The following ABTB3 variants were observed in gnomAD, a reference collection of about 807,000 sequenced individuals.
ABTB3 encodes ankyrin repeat and BTB domain containing 3, also known as ankyrin repeat- and BTB/POZ domain-containing protein 3.
chr12:107,400,543 C>T, the ABTB3 span, among the ~76,000 whole-genome samples: 8 of 152,084 alleles, frequency 5.3e-5, no homozygotes, highest in African/African-American at 7.2e-5. Context: ...GCTTGAATTT[C>T]GCCTTTTCTA....
At chr12:107,653,623 G>A in the ABTB3 span, among the ~76,000 whole-genome samples, 1 of 152,132 alleles carries the variant, frequency 6.6e-6, no homozygotes. Context: ...GCAGGCACCT[G>A]TGCTAAGAGC....
chr12:107,400,256 C>G, the ABTB3 span, among the ~76,000 whole-genome samples: 1 of 152,088 alleles, frequency 6.6e-6, no homozygotes, highest in East Asian at 1.9e-4. Context: ...TTTTAACTTA[C>G]TCGATGATAT....
chr12:107,432,613 AT>A, the ABTB3 span, among the ~76,000 whole-genome samples: 2 of 152,092 alleles, frequency 1.3e-5, no homozygotes, highest in African/African-American at 4.8e-5. Flanking sequence ...CTAATAAGAG[AT>A]GTTGAGAGGA....
chr12:107,452,397 G>A, the ABTB3 span, among the ~76,000 whole-genome samples: 1 of 151,612 alleles, frequency 6.6e-6, no homozygotes, highest in South Asian at 2.1e-4. Context: ...TAGTAGAGAC[G>A]GGGTTTCACT....
At chr12:107,545,006 T>C in the ABTB3 span, among the ~76,000 whole-genome samples, 1 of 152,232 alleles carries the variant, frequency 6.6e-6, no homozygotes, top group Non-Finnish European at 1.5e-5. Context: ...TTTATTATTG[T>C]TGTTGTAGAT....
At chr12:107,435,787 C>T in the ABTB3 span, among the ~76,000 whole-genome samples, 1 of 152,070 alleles carries the variant, frequency 6.6e-6, no homozygotes, top group South Asian at 2.1e-4. Flanking sequence ...GGATGTAATT[C>T]CTGAAGTGGA....
the ABTB3 span, chr12:107,642,301 C>T: frequency 2.2e-4 from 164 of 758,918 alleles, no homozygotes; most frequent in African/African-American, 1.9e-3. Flanking sequence ...CCTGAACTCC[C>T]GGCCCCTCCT....
the ABTB3 span, among the ~76,000 whole-genome samples, chr12:107,414,720 T>C: frequency 1.1e-4 from 16 of 149,236 alleles, no homozygotes; most frequent in South Asian, 1.1e-3. Context: ...TCTTTTCTTT[T>C]TCTTTTTTTT....
chr12:107,554,736 C>T, the ABTB3 span, among the ~76,000 whole-genome samples: 1 of 152,170 alleles, frequency 6.6e-6, no homozygotes, highest in African/African-American at 2.4e-5. Flanking sequence ...CTGTTTCTAA[C>T]AAGCTCCCAG....
the ABTB3 span, among the ~76,000 whole-genome samples, chr12:107,401,959 C>T: frequency 3.5e-5 from 5 of 142,778 alleles, no homozygotes; most frequent in Non-Finnish European, 7.5e-5. Flanking sequence ...TGCTTCCCTA[C>T]CCTCTGCCCT....
At chr12:107,640,484 C>T in the ABTB3 span, 1 of 1,003,118 alleles carries the variant, frequency 1.0e-6, no homozygotes, top group Non-Finnish European at 1.5e-6. Context: ...TTTTGAAGTT[C>T]AATTTTGGTG....
chr12:107,606,135 G>T, the ABTB3 span, among the ~76,000 whole-genome samples: 1 of 152,092 alleles, frequency 6.6e-6, no homozygotes, highest in Non-Finnish European at 1.5e-5. Flanking sequence ...CAGGATGGGG[G>T]GTCAGGTCAA....
chr12:107,618,018 CT>C, the ABTB3 span: 1 of 732,990 alleles, frequency 1.4e-6, no homozygotes, highest in Non-Finnish European at 2.2e-6. Context: ...ACTGTTAGGC[CT>C]CTGAAAGTGC....
the ABTB3 span, among the ~76,000 whole-genome samples, chr12:107,391,971 T>C: frequency 6.6e-6 from 1 of 152,194 alleles, no homozygotes. Flanking sequence ...TCTTCTAACT[T>C]CAGATCTGGG....
the ABTB3 span, among the ~76,000 whole-genome samples, chr12:107,485,724 A>G: frequency 6.6e-6 from 1 of 152,212 alleles, no homozygotes; most frequent in East Asian, 1.9e-4. Context: ...ACACAACATA[A>G]CTTTCTCTTT....
the ABTB3 span, among the ~76,000 whole-genome samples, chr12:107,572,576 C>G: frequency 6.6e-6 from 1 of 152,134 alleles, no homozygotes; most frequent in Non-Finnish European, 1.5e-5. Context: ...ACCATGAATT[C>G]TTACAGTTTT....
chr12:107,526,404 T>C, the ABTB3 span, among the ~76,000 whole-genome samples: 1 of 152,034 alleles, frequency 6.6e-6, no homozygotes, highest in African/African-American at 2.4e-5. Context: ...AACCAGTGAG[T>C]AGGGCTGGGA....
chr12:107,634,597 C>A, the ABTB3 span, among the ~76,000 whole-genome samples: 10 of 152,246 alleles, frequency 6.6e-5, no homozygotes, highest in Admixed American at 2.6e-4. Flanking sequence ...ACACCTGAAG[C>A]TGGAGGGAGA....
At chr12:107,403,972 G>A in the ABTB3 span, among the ~76,000 whole-genome samples, 1 of 151,952 alleles carries the variant, frequency 6.6e-6, no homozygotes, top group African/African-American at 2.4e-5. Flanking sequence ...AGACCAGCCT[G>A]GTCAATATGG....
Sources: allele counts gnomAD v4.1 joint callset (sites outside exome capture counted in the v4.1 genomes callset), GRCh38; gene constraint gnomAD v4.1.1; transcripts MANE v1.5; gene names NCBI Gene and HGNC (gene_info 2026-07-23, HGNC 2026-07-21).